The following RRAGD variants were observed in gnomAD, a reference collection of about 807,000 sequenced individuals.
RRAGD encodes ras-related GTP-binding protein D.
A neutral mutation model predicts 35.5 loss-of-function variants in RRAGD; 12 were observed. That is an observed-to-expected ratio of 0.34 (90% CI 0.22 to 0.55). The LOEUF (loss-of-function observed/expected upper bound fraction) is 0.55. Among genes scored for constraint, RRAGD ranks in the 20% least tolerant of loss-of-function variants. The pLI is 0.91. For missense variants in RRAGD, 324 were observed against 490.1 expected, an observed-to-expected ratio of 0.66 and a Z score of 3.20; for synonymous variants, 155 against 178.9, an observed-to-expected ratio of 0.87 and a Z score of 1.07.
rs538815705 is a variant in RRAGD, at chr6:89,395,984, T to A, written c.149-8394A>T. Reference sequence around the variant, plus strand: ...ATCCATATGCCAAAAAAAAAAAAAATTCAACTCACATCAACTCAAAATTGG... The same window carrying A: ...ATCCATATGCCAAAAAAAAAAAAAAATCAACTCACATCAACTCAAAATTGG... On this transcript the variant is annotated intron_variant, in intron 1 of 6. Transcript: ENST00000369415. Among the ~76,000 whole-genome samples the A allele has an allele frequency of 2.6e-4, 34 of 131,400 alleles. No individual in the cohort carries two copies. In the South Asian group the frequency reaches 7.0e-3, roughly 27 times the overall value. The allele number at this position is 131,400 out of a possible 152,430, so 86.2% of individuals were successfully genotyped here.
Position 89,366,927 on chromosome 6 carries a change from C to G in RRAGD, c.*1129G>C. The G allele has an allele frequency of 6.6e-6, 1 of 152,136 alleles. No individual in the cohort carries two copies. Among genetic ancestry groups the G allele is most frequent in the Non-Finnish European group, 1.5e-5 (1 of 68,038 alleles). The allele number at this position is 152,136 out of a possible 1,614,324, so 9.4% of individuals were successfully genotyped here. A position where few individuals can be genotyped will look rare whatever the true frequency, so the allele number is the denominator to read the frequency against. On this transcript the variant is annotated 3_prime_UTR_variant, in exon 7 of 7. Coordinates refer to ENST00000369415, the MANE Select transcript of RRAGD (RefSeq NM_021244.5). ...GCTTGGCTTAATCATAAGGTGGGAA[C>G]AAGTGGAGTACATGAGGCATGTTAT...
intron 2 of RRAGD, among the ~76,000 whole-genome samples, chr6:89,384,867 CTA>C: frequency 2.6e-5 from 4 of 151,432 alleles, no homozygotes; most frequent in Admixed American, 2.6e-4. Context: ...TCAAACATTC[CTA>C]TATCTTTCTC....
At chr6:89,393,181 GAAACAT>G (rs1769269265) in intron 1 of RRAGD, among the ~76,000 whole-genome samples, 2 of 152,288 alleles carry the variant, frequency 1.3e-5, no homozygotes, top group South Asian at 4.1e-4. Flanking sequence ...GGTGCACAAT[GAAACAT>G]GGATAGTTAA....
chr6:89,367,762 T>C lies in RRAGD; in HGVS notation c.*294A>G, dbSNP rs1768779981. The C allele has an allele frequency of 3.6e-6, 1 of 279,468 alleles. No homozygotes were observed. Among genetic ancestry groups the C allele is most frequent in the African/African-American group, 2.2e-5 (1 of 45,876 alleles). The allele number at this position is 279,468 out of a possible 1,614,324, so 17.3% of individuals were successfully genotyped here. A position where few individuals can be genotyped will look rare whatever the true frequency, so the allele number is the denominator to read the frequency against. ...GAAACATGAAAAAGTGCAAAATATG[T>C]ACAATTCCTGGCAGTTCTCACACGG... On this transcript the variant is annotated 3_prime_UTR_variant, in exon 7 of 7. Coordinates refer to ENST00000369415, the MANE Select transcript of RRAGD (RefSeq NM_021244.5).
intron 1 of RRAGD, among the ~76,000 whole-genome samples, chr6:89,410,928 T>A (rs1263594679): frequency 6.6e-6 from 1 of 152,204 alleles, no homozygotes; most frequent in Non-Finnish European, 1.5e-5. Context: ...AACATCATGT[T>A]TAACAGCCGC....
chr6:89,411,710 A>T lies in RRAGD; in HGVS notation c.148+136T>A. ...GGTCGGGCTTTTGGCGTCCCTCCCC[A>T]CCCCAAACCCTCAACTGGACCCGCT... On this transcript the variant is annotated intron_variant, in intron 1 of 6. Coordinates refer to ENST00000369415, the MANE Select transcript of RRAGD (RefSeq NM_021244.5). This position sits in a 1 kb window ranked among gnomAD's most constrained non-coding sequence, Gnocchi z 5.6. 1 of 941,684 alleles carries T rather than the reference A, an allele frequency of 1.1e-6. No homozygotes were observed. The highest frequency in any genetic ancestry group is 1.5e-6 in the Non-Finnish European group (1 of 661,014). 58.3% of individuals were successfully genotyped at this position (941,684 alleles called of 1,614,324 possible).
At chr6:89,379,647 C>G (rs757885038) in intron 3 of RRAGD, among the ~76,000 whole-genome samples, 1 of 152,230 alleles carries the variant, frequency 6.6e-6, no homozygotes, top group Non-Finnish European at 1.5e-5. Flanking sequence ...CATGCCAGAT[C>G]ATCTTTACAC....
rs1432933141 is a variant in RRAGD at position 89,364,945 on chromosome 6, A to G, written c.*3111T>C. On this transcript the variant is annotated 3_prime_UTR_variant, in exon 7 of 7. Transcript: ENST00000369415. ...CTTAACAATGGTTATTAAGTGATGT[A>G]CTGCTTAAAGTAAAACATGGACTAT... 3 of 152,244 alleles carry G rather than the reference A, an allele frequency of 2.0e-5. No homozygotes were observed. Among genetic ancestry groups the G allele is most frequent in the East Asian group, 1.9e-4 (1 of 5,204 alleles). 9.4% of individuals were successfully genotyped at this position (152,244 alleles called of 1,614,324 possible).
At chr6:89,370,670 A>G (rs1289607336) in intron 6 of RRAGD, among the ~76,000 whole-genome samples, 3 of 152,192 alleles carry the variant, frequency 2.0e-5, no homozygotes, top group African/African-American at 4.8e-5. Context: ...AAATCTAGAA[A>G]CAACATAGAT....
chr6:89,392,479 CGA>C (rs1562458636), intron 1 of RRAGD, among the ~76,000 whole-genome samples: 5 of 141,678 alleles, frequency 3.5e-5, no homozygotes, highest in South Asian at 2.2e-4. Flanking sequence ...AACCCTGTCT[CGA>C]AAAAAAAAAA....
chr6:89,398,480 A>T (rs1455361087), intron 1 of RRAGD, among the ~76,000 whole-genome samples: 2 of 152,224 alleles, frequency 1.3e-5, no homozygotes, highest in Non-Finnish European at 2.9e-5. Flanking sequence ...GCCAGGGGAG[A>T]GACCCAGTGG....
intron 1 of RRAGD, among the ~76,000 whole-genome samples, chr6:89,405,521 C>T (rs1769561901): frequency 6.6e-6 from 1 of 151,990 alleles, no homozygotes; most frequent in South Asian, 2.1e-4. Flanking sequence ...TTCATTTCCT[C>T]CTCTATCAGC....
intron 1 of RRAGD, among the ~76,000 whole-genome samples, chr6:89,391,376 C>A (rs770476174): frequency 6.7e-6 from 1 of 148,430 alleles, no homozygotes; most frequent in African/African-American, 2.5e-5. Context: ...CAGAGTGAGA[C>A]CCTGTCTCAA....
At chr6:89,403,314 G>A (rs561392568) in intron 1 of RRAGD, among the ~76,000 whole-genome samples, 2 of 151,776 alleles carry the variant, frequency 1.3e-5, no homozygotes, top group East Asian at 1.9e-4. Flanking sequence ...GCATGGTGGC[G>A]GGCGCCTGTA....
intron 2 of RRAGD, among the ~76,000 whole-genome samples, chr6:89,380,912 GAAA>G (rs60978384): frequency 1.5e-5 from 2 of 136,774 alleles, no homozygotes; most frequent in Non-Finnish European, 3.2e-5. Context: ...GTCACAAAAA[GAAA>G]AAAAAAAAAA....
At chr6:89,378,020 G>C (rs1277676795) in intron 4 of RRAGD, among the ~76,000 whole-genome samples, 1 of 152,164 alleles carries the variant, frequency 6.6e-6, no homozygotes, top group Non-Finnish European at 1.5e-5. Context: ...ATAAAAAGTA[G>C]AGGCCGGGCA....
At chr6:89,382,919 T>C (rs1769073779) in intron 2 of RRAGD, among the ~76,000 whole-genome samples, 1 of 151,706 alleles carries the variant, frequency 6.6e-6, no homozygotes, top group African/African-American at 2.4e-5. Context: ...AAGGCAAATG[T>C]CGGATTCTGG....
At position 89,412,011 on chromosome 6, in the gene RRAGD, C is replaced by CGGCCCGGGGACGGCGGGG; in HGVS notation, c.-36_-19dup. 1 of 1,523,370 alleles carries CGGCCCGGGGACGGCGGGG rather than the reference C, an allele frequency of 6.6e-7. No individual in the cohort carries two copies. The highest frequency in any genetic ancestry group is 8.8e-7 in the Non-Finnish European group (1 of 1,140,460). The allele number at this position is 1,523,370 out of a possible 1,614,324, so 94.4% of individuals were successfully genotyped here. ...TGGCTCATCGTGCCCACCGGCCGGC[C>CGGCCCGGGGACGGCGGGG]GGCCCGGGGACGGCGGGGGTCCCGG... On this transcript the variant is annotated 5_prime_UTR_variant, in exon 1 of 7. Coordinates refer to ENST00000369415, the MANE Select transcript of RRAGD (RefSeq NM_021244.5). The surrounding 1 kb of genome is among the most constrained non-coding windows in gnomAD (Gnocchi z 4.2).
chr6:89,373,615 C>A (rs1768888353), intron 5 of RRAGD, among the ~76,000 whole-genome samples: 2 of 128,740 alleles, frequency 1.6e-5, no homozygotes, highest in Non-Finnish European at 1.6e-5. Flanking sequence ...AGGACTCCGT[C>A]TCAAAAAAAA....
Sources: allele counts gnomAD v4.1 joint callset (sites outside exome capture counted in the v4.1 genomes callset), GRCh38; gene constraint gnomAD v4.1.1; non-coding constraint Gnocchi (gnomAD v3.1); transcripts MANE v1.5; gene names NCBI Gene and HGNC (gene_info 2026-07-23, HGNC 2026-07-21).